The following EPB41L4A variants were observed in gnomAD, a reference collection of about 807,000 sequenced individuals.
EPB41L4A encodes erythrocyte membrane protein band 4.1 like 4A.
A neutral mutation model predicts 108.6 loss-of-function variants in EPB41L4A; 100 were observed. The ratio of observed to expected loss-of-function variants is 0.92; its 90% CI spans 0.78 to 1.09. EPB41L4A has a LOEUF of 1.09. Among genes scored for constraint, EPB41L4A ranks in the 50% least tolerant of loss-of-function variants. The pLI is 0.00. For synonymous variants in EPB41L4A, 319 were observed against 289.0 expected, an observed-to-expected ratio of 1.10 and a Z score of -1.05; for missense variants, 1,030 against 842.7, an observed-to-expected ratio of 1.22 and a Z score of -2.75.
intron 13 of EPB41L4A, among the ~76,000 whole-genome samples, chr5:112,208,057 C>G (rs1014483161): frequency 2.6e-5 from 4 of 152,054 alleles, no homozygotes; most frequent in African/African-American, 7.2e-5. Context: ...ACCATCCTGG[C>G]CAACCTGGTA....
At position 112,266,324 on chromosome 5, in the gene EPB41L4A, C is replaced by G. The variant is rs1751854509; in HGVS notation, c.342G>C (p.Gln114His). 2 of 1,595,992 alleles carry G rather than the reference C, an allele frequency of 1.3e-6. No homozygotes were observed. Among genetic ancestry groups the G allele is most frequent in the African/African-American group, 1.3e-5 (1 of 74,692 alleles). Reference protein sequence around the residue: ...CKLKEEITRYQFFLQVKQDVL... With the variant: ...CKLKEEITRYHFFLQVKQDVL... Reference sequence around the variant, plus strand: ...CATCTTGCTTCACCTGCAAGAAAAACTGATATCTAAAAGAGAAACAAAAAG... The same window carrying G: ...CATCTTGCTTCACCTGCAAGAAAAAGTGATATCTAAAAGAGAAACAAAAAG... Residue 114 changes from glutamine (Q) to histidine (H), a missense_variant, in exon 5 of 23, where the codon CAG becomes CAC. By Grantham distance (24) the Gln-to-His change is conservative. Transcript: ENST00000261486.
intron 1 of EPB41L4A, among the ~76,000 whole-genome samples, chr5:112,347,543 A>C (rs1757760624): frequency 6.6e-6 from 1 of 152,168 alleles, no homozygotes. Flanking sequence ...ACATGGACTC[A>C]CCTAAGAACA....
intron 1 of EPB41L4A, among the ~76,000 whole-genome samples, chr5:112,371,653 T>C (rs1759505181): frequency 1.3e-5 from 2 of 152,134 alleles, no homozygotes; most frequent in South Asian, 4.1e-4. Context: ...TCTGTGGCTC[T>C]TTACTGCTCC....
intron 18 of EPB41L4A, 48 bp downstream of exon 18, chr5:112,183,968 C>A (rs1193487212): frequency 1.2e-6 from 2 of 1,609,860 alleles, no homozygotes; most frequent in Non-Finnish European, 1.7e-6. Context: ...CCACATGCTA[C>A]TTCAAATTCA....
intron 1 of EPB41L4A, among the ~76,000 whole-genome samples, chr5:112,410,607 A>G (rs371332694): frequency 8.5e-5 from 13 of 152,084 alleles, no homozygotes; most frequent in African/African-American, 3.1e-4. Context: ...CAGTACCCAC[A>G]ACTCTCCTCC....
At chr5:112,207,935 G>A (rs1762548536) in intron 13 of EPB41L4A, among the ~76,000 whole-genome samples, 1 of 151,996 alleles carries the variant, frequency 6.6e-6, no homozygotes, top group Non-Finnish European at 1.5e-5. Flanking sequence ...TACTCAAAGG[G>A]AAACAAATCA....
chr5:112,263,646 A>C (rs1189550828), intron 6 of EPB41L4A: 1 of 152,170 alleles, frequency 6.6e-6, no homozygotes, highest in Non-Finnish European at 1.5e-5. Context: ...AGAATCTGAA[A>C]ATGAAGGACT....
chr5:112,170,190 T>G (rs540504258), intron 20 of EPB41L4A, 111 bp downstream of exon 20: 487 of 1,118,478 alleles, frequency 4.4e-4, no homozygotes, highest in Non-Finnish European at 5.7e-4. Context: ...TAGTTTTGTT[T>G]AAAATGTAAA....
chr5:112,194,591 TC>T lies in EPB41L4A; in HGVS notation c.1478del (p.Arg493LysfsTer27). ...SSGSESENSN[R>X]EYRKKRNRIR... ...ACCTGTTTCTCTTTTTCCGGTATTC[TC>T]TATTAGAATTTTCTGATTCACTACC... On this transcript the variant is annotated frameshift_variant, in exon 17 of 23. Coordinates refer to ENST00000261486, the MANE Select transcript of EPB41L4A (RefSeq NM_022140.5). LOFTEE classifies it high-confidence loss of function. The T allele has an allele frequency of 6.2e-7, 1 of 1,601,342 alleles. No homozygotes were observed. The highest frequency in any genetic ancestry group is 1.3e-5 in the African/African-American group (1 of 74,500).
intron 9 of EPB41L4A, among the ~76,000 whole-genome samples, chr5:112,249,375 T>C (rs1750484081): frequency 6.6e-6 from 1 of 152,160 alleles, no homozygotes; most frequent in Admixed American, 6.5e-5. Flanking sequence ...TTACTGATCA[T>C]GCAAAGGAAG....
At chr5:112,313,788 G>A (rs1580666186) in intron 1 of EPB41L4A, among the ~76,000 whole-genome samples, 1 of 147,974 alleles carries the variant, frequency 6.8e-6, no homozygotes, top group Non-Finnish European at 1.5e-5. Flanking sequence ...GTGATGAGCT[G>A]TTAATTTGTA....
chr5:112,342,739 C>T (rs1757395257), intron 1 of EPB41L4A, among the ~76,000 whole-genome samples: 1 of 152,152 alleles, frequency 6.6e-6, no homozygotes, highest in African/African-American at 2.4e-5. Context: ...CTGAGACTCT[C>T]GTAGGTCACT....
intron 19 of EPB41L4A, 152 bp downstream of exon 19, chr5:112,170,793 A>G (rs1760534291): frequency 1.5e-6 from 1 of 677,050 alleles, no homozygotes; most frequent in Non-Finnish European, 2.5e-6. Flanking sequence ...TTAAGGCACC[A>G]CCACCATGTG....
chr5:112,225,866 C>G (rs1419522114), intron 12 of EPB41L4A, among the ~76,000 whole-genome samples: 1 of 152,204 alleles, frequency 6.6e-6, no homozygotes, highest in Non-Finnish European at 1.5e-5. Context: ...GTGTTCATAT[C>G]TCAGCTTTGT....
intron 1 of EPB41L4A, among the ~76,000 whole-genome samples, chr5:112,396,230 C>G (rs916686329): frequency 6.6e-6 from 1 of 151,794 alleles, no homozygotes; most frequent in Non-Finnish European, 1.5e-5. Flanking sequence ...CACATGTACC[C>G]AAGAACTTAA....
At chr5:112,259,131 G>A in intron 9 of EPB41L4A, 98 bp downstream of exon 9, 2 of 902,914 alleles carry the variant, frequency 2.2e-6, no homozygotes, top group Non-Finnish European at 3.6e-6. Flanking sequence ...CCATGTGGAA[G>A]CAGCTGAAGA....
chr5:112,347,764 G>A (rs772453851), intron 1 of EPB41L4A, among the ~76,000 whole-genome samples: 2 of 152,204 alleles, frequency 1.3e-5, no homozygotes, highest in Non-Finnish European at 2.9e-5. Context: ...AAGCACCTGA[G>A]CAGCCACAGT....
At position 112,192,989 on chromosome 5, in the gene EPB41L4A, G is replaced by A. The variant is rs147146699; in HGVS notation, c.1502+1579C>T. On this transcript the variant is annotated intron_variant, in intron 17 of 22. Coordinates refer to ENST00000261486, the MANE Select transcript of EPB41L4A (RefSeq NM_022140.5). ...ATACTGAATTTTTTATCAGAAAGAGGATACTTAAGAAGGAGCTACCTCCCA... is the reference window on the plus strand; with the variant it reads ...ATACTGAATTTTTTATCAGAAAGAGAATACTTAAGAAGGAGCTACCTCCCA... Among the ~76,000 whole-genome samples the A allele has an allele frequency of 5.9e-5, 9 of 152,306 alleles. No individual in the cohort carries two copies. The East Asian group carries it at 1.7e-3, about 29-fold the overall frequency.
chr5:112,201,608 T>C (rs1006264341), intron 15 of EPB41L4A, among the ~76,000 whole-genome samples: 2 of 152,214 alleles, frequency 1.3e-5, no homozygotes, highest in African/African-American at 4.8e-5. Flanking sequence ...GGTAGAAAAC[T>C]ATAAAACTCT....
Sources: gnomAD v4.1 joint callset for allele counts (sites outside exome capture counted in the v4.1 genomes callset) on GRCh38, gnomAD v4.1.1 for gene constraint, MANE v1.5 for transcripts, NCBI Gene and HGNC (gene_info 2026-07-23, HGNC 2026-07-21) for gene names.